Variants in GRIA3 observed in about 807,000 individuals in gnomAD.
GRIA3 encodes the protein glutamate receptor 3.
Under a neutral mutation model 63.0 loss-of-function variants are expected in GRIA3, and 3 were observed. That is an observed-to-expected ratio of 0.05 (90% confidence interval 0.02 to 0.12). GRIA3 has a LOEUF of 0.12. GRIA3 is among the 10% of genes least tolerant of loss of function. The pLI is 1.00. For synonymous variants in GRIA3, 274 were observed against 257.9 expected (o/e 1.06, Z -0.60); for missense variants, 347 against 700.9 (o/e 0.50, Z 5.70).
intron 5 of GRIA3, among the ~76,000 whole-genome samples, chrX:123,357,984 T>C (rs1250498907): frequency 1.8e-5 from 2 of 111,013 alleles, no homozygotes; most frequent in East Asian, 5.6e-4. Flanking sequence ...ATAATAATAA[T>C]GAGCCAAATT....
chrX:123,385,772 C>G (rs1256940115), intron 5 of GRIA3, among the ~76,000 whole-genome samples: 1 of 111,392 alleles, frequency 9.0e-6, no homozygotes, highest in Non-Finnish European at 1.9e-5. Flanking sequence ...GATTGCATTC[C>G]TGATTTGGTT....
chrX:123,197,830 G>T (rs745307875), intron 2 of GRIA3, among the ~76,000 whole-genome samples: 3 of 112,256 alleles, frequency 2.7e-5, no homozygotes, highest in Non-Finnish European at 5.6e-5. Context: ...ACTTCATTGT[G>T]CCGCAGATTC....
chrX:123,325,364 A>T (rs1053100443), intron 3 of GRIA3, among the ~76,000 whole-genome samples: 3 of 112,040 alleles, frequency 2.7e-5, no homozygotes, highest in African/African-American at 6.5e-5. Context: ...GCTAACAGTT[A>T]TCTAATGTAA....
chrX:123,193,908 A>C (rs1216209153), intron 2 of GRIA3, among the ~76,000 whole-genome samples: 1 of 111,361 alleles, frequency 9.0e-6, no homozygotes, highest in Admixed American at 9.5e-5. Flanking sequence ...CTGCCCAAGG[A>C]AGTGAGGCAC....
intron 2 of GRIA3, among the ~76,000 whole-genome samples, chrX:123,209,949 G>T (rs745576565): frequency 1.8e-5 from 2 of 110,155 alleles, no homozygotes; most frequent in Non-Finnish European, 3.8e-5. Flanking sequence ...TAGCTTAAAT[G>T]CTGTCAAGCT....
At chrX:123,264,780 G>T (rs1200917980) in intron 3 of GRIA3, among the ~76,000 whole-genome samples, 1 of 111,738 alleles carries the variant, frequency 8.9e-6, no homozygotes, top group South Asian at 3.8e-4. Context: ...TGGAGAAGAG[G>T]GCTCAGAGGA....
At chrX:123,222,325 T>A (rs2044223642) in intron 2 of GRIA3, among the ~76,000 whole-genome samples, 1 of 112,524 alleles carries the variant, frequency 8.9e-6, no homozygotes, top group Admixed American at 9.4e-5. Context: ...ACCATGTGTA[T>A]AACAGTATGT....
intron 3 of GRIA3, among the ~76,000 whole-genome samples, chrX:123,300,707 T>C (rs997119808): frequency 9.1e-6 from 1 of 109,969 alleles, no homozygotes; most frequent in Non-Finnish European, 1.9e-5. Context: ...TGTGTTCTGC[T>C]AGCTTTGGTA....
intron 13 of GRIA3, among the ~76,000 whole-genome samples, chrX:123,468,522 T>C (rs1352960617): frequency 8.9e-6 from 1 of 112,513 alleles, no homozygotes; most frequent in Non-Finnish European, 1.9e-5. Flanking sequence ...GAAGCACTTA[T>C]TAGATATAAT....
At chrX:123,392,311 C>A (rs919307692) in intron 5 of GRIA3, among the ~76,000 whole-genome samples, 1 of 111,598 alleles carries the variant, frequency 9.0e-6, no homozygotes, top group South Asian at 3.8e-4. Flanking sequence ...TAAAGCCCAG[C>A]CCTGCATTCA....
At chrX:123,456,855 A>G (rs1004577552) in intron 12 of GRIA3, among the ~76,000 whole-genome samples, 1 of 111,864 alleles carries the variant, frequency 8.9e-6, no homozygotes, top group African/African-American at 3.3e-5. Context: ...GGGTCCTGTA[A>G]GTGTTCCGTT....
intron 2 of GRIA3, among the ~76,000 whole-genome samples, chrX:123,192,237 G>T (rs1470039591): frequency 9.0e-6 from 1 of 111,557 alleles, no homozygotes; most frequent in Non-Finnish European, 1.9e-5. Context: ...AAGTTCATAG[G>T]TATTTATTTT....
chrX:123,239,036 A>C (rs2044316397), intron 2 of GRIA3, among the ~76,000 whole-genome samples: 1 of 111,056 alleles, frequency 9.0e-6, no homozygotes, highest in Admixed American at 9.5e-5. Flanking sequence ...TACCAAATTG[A>C]TACACATACA....
rs1219256864 is a variant in GRIA3, at chrX:123,267,584, T to C, written c.508+14042T>C. Among the ~76,000 whole-genome samples the C allele has an allele frequency of 5.4e-5, 6 of 112,133 alleles. No homozygotes were observed. In the Admixed American group the frequency reaches 5.7e-4, roughly 11 times the overall value. On this transcript the variant is annotated intron_variant, in intron 3 of 15. Transcript: ENST00000620443. Reference sequence around the variant, plus strand: ...GCATAGTATTATTTTCCACAGCTCCTAATGAAAAACTAAAGAAGGAAAACT... The same window carrying C: ...GCATAGTATTATTTTCCACAGCTCCCAATGAAAAACTAAAGAAGGAAAACT...
intron 10 of GRIA3, among the ~76,000 whole-genome samples, chrX:123,416,350 G>GA (rs978238482): frequency 2.7e-5 from 3 of 111,001 alleles, no homozygotes; most frequent in Non-Finnish European, 5.7e-5. Flanking sequence ...TCTGAACATA[G>GA]AAAAAAAATG....
intron 2 of GRIA3, among the ~76,000 whole-genome samples, chrX:123,246,205 C>A: frequency 8.9e-6 from 1 of 112,064 alleles, no homozygotes; most frequent in African/African-American, 3.2e-5. Context: ...GAGTTACCAA[C>A]CTTTTAATTT....
intron 4 of GRIA3, among the ~76,000 whole-genome samples, chrX:123,328,655 C>T (rs2044921534): frequency 8.9e-6 from 1 of 112,008 alleles, no homozygotes; most frequent in Non-Finnish European, 1.9e-5. Context: ...AACAGAGTAA[C>T]TGGCACATAG....
chrX:123,446,899 T>C (rs925717199), intron 12 of GRIA3, among the ~76,000 whole-genome samples: 6 of 111,695 alleles, frequency 5.4e-5, no homozygotes, highest in Admixed American at 1.9e-4. Context: ...ACTCCACTTT[T>C]CTGGAATAAC....
chrX:123,260,885 G>A (rs950909714), intron 3 of GRIA3, among the ~76,000 whole-genome samples: 1 of 110,864 alleles, frequency 9.0e-6, no homozygotes, highest in African/African-American at 3.3e-5. Context: ...CATCTTGAGA[G>A]CCCGCACAAT....
Sources: allele counts gnomAD v4.1 joint callset (sites outside exome capture counted in the v4.1 genomes callset), GRCh38; gene constraint gnomAD v4.1.1; transcripts MANE v1.5; gene names NCBI Gene and HGNC (gene_info 2026-07-23, HGNC 2026-07-21).